TOX: variants seen among roughly 807,000 people sequenced by gnomAD.
The protein encoded by TOX is thymocyte selection associated high mobility group box.
TOX carries 11 observed loss-of-function variants against 53.7 expected under a neutral mutation model. The ratio of observed to expected loss-of-function variants is 0.20; its 90% CI spans 0.13 to 0.34. TOX has a LOEUF of 0.34. Among genes scored for constraint, TOX ranks in the 10% least tolerant of loss-of-function variants. The pLI is 1.00. For synonymous variants in TOX, 225 were observed against 245.3 expected (o/e 0.92, Z 0.77); for missense variants, 570 against 664.6 (o/e 0.86, Z 1.56).
At chr8:59,050,303 C>T (rs1803764400) in intron 1 of TOX, among the ~76,000 whole-genome samples, 2 of 152,122 alleles carry the variant, frequency 1.3e-5, no homozygotes, top group South Asian at 4.1e-4. Flanking sequence ...AAACTCCAAG[C>T]AAAGTTTTAT....
At chr8:59,065,887 C>T (rs1311699780) in intron 1 of TOX, among the ~76,000 whole-genome samples, 1 of 152,156 alleles carries the variant, frequency 6.6e-6, no homozygotes, top group Admixed American at 6.5e-5. Context: ...TTAAGTCTCA[C>T]ATATTGACAA....
intron 1 of TOX, among the ~76,000 whole-genome samples, chr8:59,012,345 T>G (rs1163539141): frequency 1.3e-5 from 2 of 152,028 alleles, no homozygotes; most frequent in African/African-American, 2.4e-5. Context: ...GCACTGGGAA[T>G]ACCACGAGGG....
chr8:58,914,641 A>G (rs1368592000), intron 3 of TOX, among the ~76,000 whole-genome samples: 1 of 152,210 alleles, frequency 6.6e-6, no homozygotes, highest in Admixed American at 6.5e-5. Context: ...CTCCCCCACA[A>G]AAACTTGTTC....
intron 1 of TOX, among the ~76,000 whole-genome samples, chr8:59,049,297 A>C (rs1219676191): frequency 6.6e-6 from 1 of 152,174 alleles, no homozygotes. Flanking sequence ...CCCAAAAATC[A>C]ATGATAATTA....
intron 2 of TOX, among the ~76,000 whole-genome samples, chr8:58,950,621 C>T (rs1812606043): frequency 6.6e-6 from 1 of 152,142 alleles, no homozygotes; most frequent in South Asian, 2.1e-4. Flanking sequence ...AAGACAATTT[C>T]CCCCAGTTTA....
At chr8:58,846,701 G>A (rs774619534) in intron 4 of TOX, among the ~76,000 whole-genome samples, 9 of 152,212 alleles carry the variant, frequency 5.9e-5, no homozygotes, top group East Asian at 1.9e-4. Flanking sequence ...CAGAGACGAC[G>A]CGTGTATTAA....
At chr8:58,826,957 G>A (rs896831231) in intron 5 of TOX, 55 bp from the exon 6 acceptor site, 3 of 1,468,488 alleles carry the variant, frequency 2.0e-6, no homozygotes, top group Non-Finnish European at 2.8e-6. Flanking sequence ...TTTGTTTTCA[G>A]AGAAGTACAA....
chr8:58,892,873 A>C (rs1811579389), intron 3 of TOX, among the ~76,000 whole-genome samples: 1 of 152,196 alleles, frequency 6.6e-6, no homozygotes, highest in African/African-American at 2.4e-5. Context: ...TACTTAAAAG[A>C]GTTGGAGAAG....
intron 4 of TOX, among the ~76,000 whole-genome samples, chr8:58,839,237 A>G (rs570390465): frequency 7.6e-4 from 116 of 152,366 alleles, no homozygotes; most frequent in African/African-American, 2.5e-3. Flanking sequence ...GCCACTAACC[A>G]TATAAAGCTA....
chr8:58,875,175 C>T (rs1209431837), intron 3 of TOX, among the ~76,000 whole-genome samples: 1 of 152,214 alleles, frequency 6.6e-6, no homozygotes, highest in South Asian at 2.1e-4. Context: ...GTCACTGCTT[C>T]TGCTTCACAT....
At chr8:58,839,770 T>A (rs1354072148) in intron 4 of TOX, among the ~76,000 whole-genome samples, 1 of 152,240 alleles carries the variant, frequency 6.6e-6, no homozygotes, top group Non-Finnish European at 1.5e-5. Flanking sequence ...ATGTAATATG[T>A]ATCTTATTTA....
At chr8:58,808,648 GA>G (rs1810027652) in intron 7 of TOX, among the ~76,000 whole-genome samples, 1 of 152,210 alleles carries the variant, frequency 6.6e-6, no homozygotes, top group Non-Finnish European at 1.5e-5. Context: ...TTAATCCCCA[GA>G]ATATGCAACA....
intron 5 of TOX, among the ~76,000 whole-genome samples, chr8:58,834,450 A>G (rs1250893760): frequency 2.0e-5 from 3 of 152,244 alleles, no homozygotes; most frequent in African/African-American, 7.2e-5. Context: ...ACATAGCAGT[A>G]TGTGTGTTCC....
chr8:59,070,808 G>C (rs1281595203), intron 1 of TOX, among the ~76,000 whole-genome samples: 2 of 152,114 alleles, frequency 1.3e-5, no homozygotes, highest in East Asian at 3.8e-4. Context: ...GAGGTGAATG[G>C]GATAGAAAGC....
intron 1 of TOX, among the ~76,000 whole-genome samples, chr8:59,092,143 T>C (rs1033731833): frequency 2.0e-5 from 3 of 149,408 alleles, no homozygotes; most frequent in Non-Finnish European, 4.4e-5. Context: ...TCCCAGCTAC[T>C]CGGGAGGCAG....
At position 58,838,319 on chromosome 8, in the gene TOX, A is replaced by G. The variant is rs1277470136; in HGVS notation, c.694-8T>C. The stretch of plus-strand genomic sequence containing the variant: ...CTTCTCTCCACCATTGATCTGAAAG[A>G]GAAATCAAAATAGAATTATAGGGGG... On this transcript the variant is annotated splice_region_variant and splice_polypyrimidine_tract_variant and intron_variant, in intron 4 of 8. Coordinates refer to ENST00000361421, the MANE Select transcript of TOX (RefSeq NM_014729.3). 1.2e-6 allele frequency: 2 copies of G among 1,608,896 alleles called. No individual in the cohort carries two copies. Among genetic ancestry groups the G allele is most frequent in the African/African-American group, 1.3e-5 (1 of 74,712 alleles).
intron 2 of TOX, among the ~76,000 whole-genome samples, chr8:58,950,434 A>G (rs1185163324): frequency 6.6e-6 from 1 of 152,168 alleles, no homozygotes; most frequent in Non-Finnish European, 1.5e-5. Context: ...GGGTCCAGAA[A>G]AGAGAAAAAG....
intron 1 of TOX, among the ~76,000 whole-genome samples, chr8:59,088,232 G>A (rs1474990466): frequency 6.6e-6 from 1 of 152,112 alleles, no homozygotes; most frequent in African/African-American, 2.4e-5. Flanking sequence ...TTTAGACTCA[G>A]GCTTATTTTT....
At chr8:59,026,201 G>A (rs368598687) in intron 1 of TOX, among the ~76,000 whole-genome samples, 17 of 151,808 alleles carry the variant, frequency 1.1e-4, no homozygotes, top group East Asian at 9.6e-4. Context: ...CACAATAACC[G>A]TGTACACTTT....
Sources: allele counts gnomAD v4.1 joint callset (sites outside exome capture counted in the v4.1 genomes callset), GRCh38; gene constraint gnomAD v4.1.1; transcripts MANE v1.5; gene names NCBI Gene and HGNC (gene_info 2026-07-23, HGNC 2026-07-21).